The following CCRL2 variants were observed in gnomAD, a reference collection of about 807,000 sequenced individuals.
CCRL2 encodes the protein C-C chemokine receptor-like 2.
For synonymous variants in CCRL2, 181 were observed against 165.6 expected, an observed-to-expected ratio of 1.09 and a Z score of -0.71; for missense variants, 451 against 412.4, an observed-to-expected ratio of 1.09 and a Z score of -0.81.
rs942589731 is a variant in CCRL2 at position 46,407,384 on chromosome 3, C to T, written c.-131C>T. The T allele has an allele frequency of 4.7e-6, 2 of 426,702 alleles. No homozygotes were observed. The highest frequency in any genetic ancestry group is 4.1e-6 in the Non-Finnish European group (1 of 244,464). The allele number at this position is 426,702 out of a possible 1,614,324, so 26.4% of individuals were successfully genotyped here. A position where few individuals can be genotyped will look rare whatever the true frequency, so the allele number is the denominator to read the frequency against. ...GAATCAACAGTGGTTTCTCGTGCCC[C>T]TCAGGGTCAGGAGCAGTCTGATCAA... On this transcript the variant is annotated 5_prime_UTR_variant, in exon 1 of 2. Coordinates refer to ENST00000399036, the MANE Select transcript of CCRL2 (RefSeq NM_003965.5).
At chr3:46,407,793 C>G (rs1291716204) in intron 1 of CCRL2, 1 of 1,028,516 alleles carries the variant, frequency 9.7e-7, no homozygotes, top group Admixed American at 2.7e-5. Context: ...TAAGTTCTAC[C>G]AAGGCGGTGT....
At chr3:46,407,648 A>G (rs1702065700) in intron 1 of CCRL2, 146 bp downstream of exon 1, 2 of 1,521,288 alleles carry the variant, frequency 1.3e-6, no homozygotes, top group African/African-American at 3.0e-5. Flanking sequence ...GGGGGTGAGC[A>G]AACTTTTTAA....
rs1702075730 is a variant in CCRL2 at position 46,408,163 on chromosome 3, T to A, written c.84T>A (p.Cys28Ter). 1 of 1,611,464 alleles carries A rather than the reference T, an allele frequency of 6.2e-7. No individual in the cohort carries two copies. The highest frequency in any genetic ancestry group is 1.7e-5 in the Admixed American group (1 of 59,634). Reference sequence around the variant, plus strand: ...TGGAGAGCGATGAGGCAGAGCAATGTGACAAGTATGACGCCCAGGCACTCT... The same window carrying A: ...TGGAGAGCGATGAGGCAGAGCAATGAGACAAGTATGACGCCCAGGCACTCT... ...GELESDEAEQ[C>*]DKYDAQALSA... The change falls in exon 2 of 2, where the codon TGT becomes TGA. Residue 28 changes from cysteine (C) to a stop codon, truncating the protein, a stop_gained. Coordinates refer to ENST00000399036, the MANE Select transcript of CCRL2 (RefSeq NM_003965.5). LOFTEE classifies it low-confidence loss of function (END_TRUNC).
rs532497260 is a variant in CCRL2 at position 46,409,449 on chromosome 3, T to A, written c.*335T>A. On this transcript the variant is annotated 3_prime_UTR_variant, in exon 2 of 2. Transcript: ENST00000399036. ...GCCCTGGTAGCATTTGCTCAGAGCC[T>A]ACGCTTGGTCCAGAACATCAAACTC... The A allele has an allele frequency of 3.4e-6, 1 of 297,970 alleles. No individual in the cohort carries two copies. Among genetic ancestry groups the A allele is most frequent in the South Asian group, 7.2e-5 (1 of 13,942 alleles). 18.5% of individuals were successfully genotyped at this position (297,970 alleles called of 1,614,324 possible).
rs748914181 is a variant in CCRL2 at position 46,409,091 on chromosome 3, C to G, written c.1012C>G (p.Pro338Ala). 2 of 1,611,646 alleles carry G rather than the reference C, an allele frequency of 1.2e-6. No individual in the cohort carries two copies. The highest frequency in any genetic ancestry group is 3.3e-5 in the Admixed American group (2 of 59,866). Reference sequence around the variant, plus strand: ...TGCACAAGGCACATCGAGGGAAGAACCTGACCATTCCACCGAAGTGTAAAC... The same window carrying G: ...TGCACAAGGCACATCGAGGGAAGAAGCTGACCATTCCACCGAAGTGTAAAC... ...QSAQGTSREEPDHSTEV is the reference protein window; with the variant it reads ...QSAQGTSREEADHSTEV Residue 338 changes from proline (P) to alanine (A), a missense_variant, in exon 2 of 2, where the codon CCT becomes GCT. Coordinates refer to ENST00000399036, the MANE Select transcript of CCRL2 (RefSeq NM_003965.5).
In CCRL2 at chr3:46,408,069, G is replaced by T; in HGVS notation, c.-11G>T. 2 of 1,551,874 alleles carry T rather than the reference G, an allele frequency of 1.3e-6. No individual in the cohort carries two copies. Among genetic ancestry groups the T allele is most frequent in the Non-Finnish European group, 1.7e-6 (2 of 1,148,466 alleles). ...AAATCATCTCCCATTTCTCCACAGG[G>T]CAGTCTGAAGATGGCCAATTACACG... On this transcript the variant is annotated splice_region_variant and 5_prime_UTR_variant, in exon 2 of 2. Transcript: ENST00000399036.
chr3:46,409,288 CAA>C lies in CCRL2; in HGVS notation c.*176_*177del. 1 of 642,464 alleles carries C rather than the reference CAA, an allele frequency of 1.6e-6. No homozygotes were observed. Among genetic ancestry groups the C allele is most frequent in the South Asian group, 2.0e-5 (1 of 50,012 alleles). 39.8% of individuals were successfully genotyped at this position (642,464 alleles called of 1,614,324 possible). A position where few individuals can be genotyped will look rare whatever the true frequency, so the allele number is the denominator to read the frequency against. ...CTCAGGCACCGTGCAAGGCTCTTTA[CAA>C]ACGTGAGCTCCTTCGCCTCCTACCA... On this transcript the variant is annotated 3_prime_UTR_variant, in exon 2 of 2. Transcript: ENST00000399036.
chr3:46,408,687 A>C lies in CCRL2; in HGVS notation c.608A>C (p.Lys203Thr). 6.2e-7 allele frequency: 1 copy of C among 1,614,258 alleles called. No homozygotes were observed. Among genetic ancestry groups the C allele is most frequent in the Non-Finnish European group, 8.5e-7 (1 of 1,180,048 alleles). The change falls in exon 2 of 2, where the codon AAA (lysine) becomes ACA (threonine). Residue 203 changes from lysine (K) to threonine (T), a missense_variant. Lys to Thr is a moderately conservative substitution (Grantham distance 78, BLOSUM62 -1). Transcript: ENST00000399036. ...TTCTGGAAGCATTTTCTGACTTTAA[A>C]AATGAACATTTCGGTTCTTGTCCTC... ...ETFWKHFLTL[K>T]MNISVLVLPL...
rs1403211790 is a variant in CCRL2 at position 46,409,131 on chromosome 3, T to C, written c.*17T>C. The C allele has an allele frequency of 1.3e-6, 2 of 1,568,304 alleles. No homozygotes were observed. The highest frequency in any genetic ancestry group is 2.3e-5 in the South Asian group (2 of 86,518). On this transcript the variant is annotated 3_prime_UTR_variant, in exon 2 of 2. Transcript: ENST00000399036. ...GAAGTGTAAACTAGCATCCACCAAA[T>C]GCAAGAAGAATAAACATGGATTTTC...
chr3:46,407,458 G>A lies in CCRL2; in HGVS notation c.-57G>A. On this transcript the variant is annotated 5_prime_UTR_variant, in exon 1 of 2. Coordinates refer to ENST00000399036, the MANE Select transcript of CCRL2 (RefSeq NM_003965.5). ...GCCATTCCCACAGCTCCCGGATGCT[G>A]GGTCTGGAGGCTGCGCCCTTCCCCT... 1 of 567,256 alleles carries A rather than the reference G, an allele frequency of 1.8e-6. No individual in the cohort carries two copies. The highest frequency in any genetic ancestry group is 3.1e-6 in the Non-Finnish European group (1 of 324,018). 35.1% of individuals were successfully genotyped at this position (567,256 alleles called of 1,614,324 possible).
Position 46,407,342 on chromosome 3 carries a change from G to A in CCRL2, c.-173G>A, listed in dbSNP as rs11574439. The A allele has an allele frequency of 0.034, 11,136 of 324,480 alleles. 1,189 individuals are homozygous for A. Among genetic ancestry groups the A allele is most frequent in the African/African-American group, 0.22 (10,103 of 45,438 alleles). 20.1% of individuals were successfully genotyped at this position (324,480 alleles called of 1,614,324 possible). On this transcript the variant is annotated 5_prime_UTR_variant, in exon 1 of 2. Transcript: ENST00000399036. ...GGTCCCTGAGCTCGGTGAGTGGGGC[G>A]GGTAGAGCCACCAGGGGAATCAACA... is the stretch of plus-strand genomic sequence containing the variant.
In CCRL2 at chr3:46,409,457, G is replaced by T; in HGVS notation, c.*343G>T. 3.9e-6 allele frequency: 1 copy of T among 256,162 alleles called. No homozygotes were observed. 15.9% of individuals were successfully genotyped at this position (256,162 alleles called of 1,614,324 possible). A position where few individuals can be genotyped will look rare whatever the true frequency, so the allele number is the denominator to read the frequency against. ...AGCATTTGCTCAGAGCCTACGCTTGGTCCAGAACATCAAACTCCAAACCCT... is the reference window on the plus strand; with the variant it reads ...AGCATTTGCTCAGAGCCTACGCTTGTTCCAGAACATCAAACTCCAAACCCT... On this transcript the variant is annotated 3_prime_UTR_variant, in exon 2 of 2. Transcript: ENST00000399036.
At position 46,409,259 on chromosome 3, in the gene CCRL2, T is replaced by G; in HGVS notation, c.*145T>G. Reference sequence around the variant, plus strand: ...AGCTAACATTTGCTAAGCACTGAATTTGTCTCAGGCACCGTGCAAGGCTCT... The same window carrying G: ...AGCTAACATTTGCTAAGCACTGAATGTGTCTCAGGCACCGTGCAAGGCTCT... On this transcript the variant is annotated 3_prime_UTR_variant, in exon 2 of 2. Coordinates refer to ENST00000399036, the MANE Select transcript of CCRL2 (RefSeq NM_003965.5). The G allele has an allele frequency of 1.3e-6, 1 of 798,246 alleles. No individual in the cohort carries two copies. 49.4% of individuals were successfully genotyped at this position (798,246 alleles called of 1,614,324 possible). A position where few individuals can be genotyped will look rare whatever the true frequency, so the allele number is the denominator to read the frequency against.
rs6808835 is a variant in CCRL2 at position 46,408,373 on chromosome 3, G to T, written c.294G>T (p.Gly98=). 0.15 allele frequency: 236,310 copies of T among 1,613,968 alleles called. 20,229 individuals carry two copies. The highest frequency in any genetic ancestry group is 0.34 in the African/African-American group (25,310 of 74,958). Residue 98 remains glycine, a synonymous_variant, in exon 2 of 2, where the codon GGG becomes GGT. Coordinates refer to ENST00000399036, the MANE Select transcript of CCRL2 (RefSeq NM_003965.5). ...CCCTGCCCTTCTGGGCTCATGCTGG[G>T]GGCGATCCCATGTGTAAAATTCTCA... ...LLTLPFWAHA[G]GDPMCKILIG...
In CCRL2 at chr3:46,408,651, C is replaced by G; in HGVS notation, c.572C>G (p.Ala191Gly). Residue 191 changes from alanine to glycine, a missense_variant, in exon 2 of 2, where the codon GCT becomes GGT. Ala to Gly is a moderately conservative substitution (Grantham distance 60). Transcript: ENST00000399036. The part of the protein sequence containing the change: ...CAFSRTPFLP[A>G]DETFWKHFLT... Reference sequence around the variant, plus strand: ...TTTAGCAGAACTCCCTTCCTGCCAGCTGATGAGACATTCTGGAAGCATTTT... The same window carrying G: ...TTTAGCAGAACTCCCTTCCTGCCAGGTGATGAGACATTCTGGAAGCATTTT... 1.9e-6 allele frequency: 3 copies of G among 1,614,160 alleles called. No homozygotes were observed. Among genetic ancestry groups the G allele is most frequent in the Non-Finnish European group, 2.5e-6 (3 of 1,180,002 alleles).
At position 46,408,235 on chromosome 3, in the gene CCRL2, T is replaced by C. The variant is rs771246536; in HGVS notation, c.156T>C (p.Gly52=). ...TCTGCTCTGCTGTGTTTGTGATCGG[T>C]GTCCTGGACAATCTCCTGGTTGTGC... ...PSLCSAVFVI[G]VLDNLLVVLI... is the part of the protein sequence containing the mutation. The change falls in exon 2 of 2, where the codon GGT becomes GGC. Residue 52 remains glycine, a synonymous_variant. Coordinates refer to ENST00000399036, the MANE Select transcript of CCRL2 (RefSeq NM_003965.5). The C allele has an allele frequency of 1.9e-6, 3 of 1,614,118 alleles. No homozygotes were observed. The highest frequency in any genetic ancestry group is 2.7e-5 in the African/African-American group (2 of 74,946).
chr3:46,408,247 T>C lies in CCRL2; in HGVS notation c.168T>C (p.Asn56=), dbSNP rs1476886055. 1 of 1,614,154 alleles carries C rather than the reference T, an allele frequency of 6.2e-7. No homozygotes were observed. Among genetic ancestry groups the C allele is most frequent in the Non-Finnish European group, 8.5e-7 (1 of 1,180,010 alleles). Residue 56 remains asparagine, a synonymous_variant, in exon 2 of 2, where the codon AAT becomes AAC. Transcript: ENST00000399036. ...SAVFVIGVLD[N]LLVVLILVKY... ...TGTTTGTGATCGGTGTCCTGGACAATCTCCTGGTTGTGCTTATCCTGGTAA... is the reference window on the plus strand; with the variant it reads ...TGTTTGTGATCGGTGTCCTGGACAACCTCCTGGTTGTGCTTATCCTGGTAA...
At chr3:46,407,643 T>A in intron 1 of CCRL2, 141 bp downstream of exon 1, 1 of 1,540,994 alleles carries the variant, frequency 6.5e-7, no homozygotes, top group Non-Finnish European at 8.7e-7. Context: ...CTTCGGGGGG[T>A]GAGCAAACTT....
chr3:46,408,003 G>C (rs1000706663), intron 1 of CCRL2, 65 bp from the exon 2 acceptor site: 2 of 1,244,866 alleles, frequency 1.6e-6, no homozygotes, highest in African/African-American at 3.0e-5. Flanking sequence ...TCCAGGTCCA[G>C]TTTGTTGTTT....
Sources: allele counts gnomAD v4.1 joint callset, GRCh38; gene constraint gnomAD v4.1.1; transcripts MANE v1.5; gene names NCBI Gene and HGNC (gene_info 2026-07-23, HGNC 2026-07-21).